The following VTI1A variants were observed in gnomAD, a reference collection of about 807,000 sequenced individuals.
The protein encoded by VTI1A is vesicle transport through interaction with t-SNAREs homolog 1A.
Under a neutral mutation model 34.9 loss-of-function variants are expected in VTI1A, and 22 were observed. That is an observed-to-expected ratio of 0.63 (90% CI 0.45 to 0.90). VTI1A has a LOEUF of 0.90. Among genes scored for constraint, VTI1A ranks in the 40% least tolerant of loss-of-function variants. The probability of loss-of-function intolerance (pLI) is 0.00; values close to 1 mark genes in which losing one functional copy is unlikely to be tolerated. For missense variants in VTI1A, 268 were observed against 275.6 expected (o/e 0.97, Z 0.20); for synonymous variants, 87 against 97.3 (o/e 0.89, Z 0.62).
intron 7 of VTI1A, among the ~76,000 whole-genome samples, chr10:112,685,509 T>G (rs1288011706): frequency 6.6e-6 from 1 of 152,196 alleles, no homozygotes; most frequent in Non-Finnish European, 1.5e-5. Context: ...TCGCTGGTTC[T>G]TACCTTACCG....
At chr10:112,688,594 T>C (rs1848511187) in intron 7 of VTI1A, among the ~76,000 whole-genome samples, 2 of 150,628 alleles carry the variant, frequency 1.3e-5, no homozygotes, top group African/African-American at 2.4e-5. Context: ...CAATCTTGGC[T>C]CACTGCAACC....
intron 3 of VTI1A, among the ~76,000 whole-genome samples, chr10:112,470,055 A>C (rs1848026562): frequency 6.6e-6 from 1 of 151,976 alleles, no homozygotes; most frequent in African/African-American, 2.4e-5. Flanking sequence ...ACGCTCCTCC[A>C]CTGCTTGTTG....
chr10:112,539,614 GAAAGAGCCTTGAACATGA>G (rs1850786219), intron 5 of VTI1A, among the ~76,000 whole-genome samples: 1 of 152,116 alleles, frequency 6.6e-6, no homozygotes, highest in African/African-American at 2.4e-5. Flanking sequence ...GTGAATAATG[GAAAGAGCCTTGAACATGA>G]AGTCAGAGGA....
At chr10:112,663,789 C>T (rs1847547329) in intron 5 of VTI1A, among the ~76,000 whole-genome samples, 1 of 152,162 alleles carries the variant, frequency 6.6e-6, no homozygotes, top group Non-Finnish European at 1.5e-5. Flanking sequence ...ACGTTTTCTA[C>T]CTTCATTAGA....
intron 5 of VTI1A, among the ~76,000 whole-genome samples, chr10:112,608,384 T>C (rs1257435912): frequency 6.6e-6 from 1 of 152,182 alleles, no homozygotes; most frequent in Non-Finnish European, 1.5e-5. Flanking sequence ...TATGGGGTTT[T>C]TGAGGAAGCT....
intron 1 of VTI1A, among the ~76,000 whole-genome samples, chr10:112,458,259 C>T (rs759465261): frequency 3.9e-5 from 6 of 152,246 alleles, no homozygotes; most frequent in Middle Eastern, 3.4e-3. Flanking sequence ...CCTCCTGATA[C>T]GTAAATACAC....
chr10:112,560,360 G>A (rs537560764), intron 5 of VTI1A, among the ~76,000 whole-genome samples: 9 of 152,132 alleles, frequency 5.9e-5, no homozygotes, highest in African/African-American at 2.2e-4. Flanking sequence ...TCCTTCTCAT[G>A]GTTTAGGTTT....
At chr10:112,681,992 A>T (rs1464033302) in intron 7 of VTI1A, among the ~76,000 whole-genome samples, 2 of 152,236 alleles carry the variant, frequency 1.3e-5, no homozygotes, top group Non-Finnish European at 2.9e-5. Flanking sequence ...TGCTCAGCCA[A>T]TAAAGAAAAG....
At chr10:112,548,720 G>A in intron 5 of VTI1A, 3 of 1,352,124 alleles carry the variant, frequency 2.2e-6, no homozygotes, top group East Asian at 4.7e-5. Context: ...CACAGCAACT[G>A]TCTATCTCAT....
chr10:112,668,519 GAGA>G (rs1260579723), intron 6 of VTI1A, among the ~76,000 whole-genome samples: 1 of 152,124 alleles, frequency 6.6e-6, no homozygotes, highest in East Asian at 1.9e-4. Flanking sequence ...TCTTATAGAG[GAGA>G]AGGTCACTGA....
At chr10:112,687,948 C>CT (rs11442025) in intron 7 of VTI1A, among the ~76,000 whole-genome samples, 10,359 of 115,506 alleles carry the variant, frequency 0.09, 1,368 homozygotes, top group African/African-American at 0.28. Flanking sequence ...GTGACCAAGT[C>CT]TTTTTTTTTT....
intron 5 of VTI1A, among the ~76,000 whole-genome samples, chr10:112,606,411 G>A (rs1029156869): frequency 1.3e-5 from 2 of 152,040 alleles, no homozygotes; most frequent in African/African-American, 2.4e-5. Flanking sequence ...CTCCTCCCCC[G>A]AATTCCATAA....
chr10:112,730,656 A>G (rs1850218819), intron 7 of VTI1A, among the ~76,000 whole-genome samples: 1 of 149,890 alleles, frequency 6.7e-6, no homozygotes, highest in Admixed American at 6.7e-5. Flanking sequence ...TTGGCTTTTT[A>G]ACTCTCTCCT....
chr10:112,847,241 G>A, the VTI1A span, among the ~76,000 whole-genome samples: 1 of 152,142 alleles, frequency 6.6e-6, no homozygotes, highest in Non-Finnish European at 1.5e-5. Flanking sequence ...ACTGTTGTGT[G>A]GGATTCCTCT....
intron 3 of VTI1A, among the ~76,000 whole-genome samples, chr10:112,513,822 A>G (rs1251821128): frequency 1.3e-5 from 2 of 151,990 alleles, no homozygotes; most frequent in Non-Finnish European, 2.9e-5. Context: ...TTTTGTTAAT[A>G]TGTTGTATCA....
chr10:112,447,125 G>A, upstream of VTI1A: 1 of 510,208 alleles, frequency 2.0e-6, no homozygotes, highest in East Asian at 3.1e-5. Flanking sequence ...TAATTGGGGC[G>A]CTTTTCCTTT....
chr10:112,679,998 G>T (rs571253488), intron 7 of VTI1A, among the ~76,000 whole-genome samples: 5 of 152,194 alleles, frequency 3.3e-5, no homozygotes, highest in Non-Finnish European at 7.4e-5. Context: ...TTCCTTAAAA[G>T]GTTCAAAAGA....
intron 5 of VTI1A, among the ~76,000 whole-genome samples, chr10:112,666,361 G>C (rs909364127): frequency 2.0e-5 from 3 of 152,194 alleles, no homozygotes; most frequent in Admixed American, 2.0e-4. Context: ...TGGATTTTCT[G>C]CCATGAAAGG....
At chr10:112,759,153 AAGCT>A (rs1379909402) in intron 7 of VTI1A, among the ~76,000 whole-genome samples, 2 of 152,158 alleles carry the variant, frequency 1.3e-5, no homozygotes, top group Non-Finnish European at 2.9e-5. Flanking sequence ...GAGCCAAGTT[AAGCT>A]ACAGTGAGAG....
Sources: allele counts gnomAD v4.1 joint callset (sites outside exome capture counted in the v4.1 genomes callset), GRCh38; gene constraint gnomAD v4.1.1; transcripts MANE v1.5; gene names NCBI Gene and HGNC (gene_info 2026-07-23, HGNC 2026-07-21).